SUGCT: variants seen among roughly 807,000 people sequenced by gnomAD.
The protein encoded by SUGCT is succinyl-CoA:glutarate-CoA transferase, also known as succinyl-CoA:glutarate CoA-transferase.
SUGCT carries 41 observed loss-of-function variants against 55.0 expected under a neutral mutation model. That is an observed-to-expected ratio of 0.74 (90% CI 0.58 to 0.97). SUGCT has a LOEUF of 0.97. Among genes scored for constraint, SUGCT ranks in the 50% least tolerant of loss-of-function variants. The probability of loss-of-function intolerance (pLI) is 0.00; values close to 1 mark genes in which losing one functional copy is unlikely to be tolerated. For missense variants in SUGCT, 568 were observed against 547.8 expected, an observed-to-expected ratio of 1.04 and a Z score of -0.37; for synonymous variants, 187 against 200.4, an observed-to-expected ratio of 0.93 and a Z score of 0.56.
chr7:41,028,262 T>C, the SUGCT span, among the ~76,000 whole-genome samples: 1 of 152,236 alleles, frequency 6.6e-6, no homozygotes, highest in Non-Finnish European at 1.5e-5. Context: ...CCTGGATATG[T>C]TGAGAAAACT....
At chr7:40,909,923 C>T in the SUGCT span, among the ~76,000 whole-genome samples, 1 of 152,094 alleles carries the variant, frequency 6.6e-6, no homozygotes, top group African/African-American at 2.4e-5. Context: ...GGGCATCTTC[C>T]AGGAAAGTGC....
chr7:40,719,001 T>TA (rs1469023617), intron 12 of SUGCT, among the ~76,000 whole-genome samples: 2 of 152,258 alleles, frequency 1.3e-5, no homozygotes, highest in Non-Finnish European at 2.9e-5. Context: ...GTAACATTCC[T>TA]AAAATACAAA....
chr7:40,512,501 C>G (rs568757837), intron 12 of SUGCT, among the ~76,000 whole-genome samples: 1 of 152,330 alleles, frequency 6.6e-6, no homozygotes, highest in African/African-American at 2.4e-5. Flanking sequence ...TCTTTGGGCT[C>G]TGTCGTTTAC....
intron 12 of SUGCT, among the ~76,000 whole-genome samples, chr7:40,699,090 A>G (rs1785064005): frequency 6.6e-6 from 1 of 152,168 alleles, no homozygotes. Flanking sequence ...GGGGAGGCAC[A>G]GAATTCACCT....
At chr7:40,937,509 C>T in the SUGCT span, among the ~76,000 whole-genome samples, 1 of 152,120 alleles carries the variant, frequency 6.6e-6, no homozygotes, top group Non-Finnish European at 1.5e-5. Context: ...AGTCTCCAGC[C>T]ATTATTGTTG....
intron 1 of SUGCT, among the ~76,000 whole-genome samples, chr7:40,170,729 T>C (rs180972682): frequency 8.5e-5 from 13 of 152,194 alleles, no homozygotes; most frequent in African/African-American, 2.9e-4. Flanking sequence ...TGGAGTCTAG[T>C]GGTCCTTTAA....
intron 9 of SUGCT, among the ~76,000 whole-genome samples, chr7:40,335,742 T>C (rs1389230374): frequency 1.3e-5 from 2 of 152,154 alleles, no homozygotes; most frequent in African/African-American, 4.8e-5. Flanking sequence ...GCTTTATTTC[T>C]TTCTCCTCCC....
intron 6 of SUGCT, among the ~76,000 whole-genome samples, chr7:40,212,079 A>G (rs370692848): frequency 2.7e-4 from 41 of 151,938 alleles, no homozygotes; most frequent in African/African-American, 8.9e-4. Context: ...GTAAAGTGCC[A>G]GAGAGTAATT....
chr7:40,141,787 T>C lies in SUGCT; in HGVS notation c.100+6667T>C, dbSNP rs577527193. The stretch of plus-strand genomic sequence containing the variant: ...TAAAGGTTTGGTGCCACAAAAGAAA[T>C]AGCACTGGAATATAAAATTTTCTTT... On this transcript the variant is annotated intron_variant, in intron 1 of 13. Coordinates refer to ENST00000335693, the MANE Select transcript of SUGCT (RefSeq NM_001193313.2). 2.2e-3 allele frequency: 781 copies of C among 356,820 alleles called. 5 individuals are homozygous for C. The highest frequency in any genetic ancestry group is 3.5e-3 in the Non-Finnish European group (613 of 176,080). The allele number at this position is 356,820 out of a possible 1,614,324, so 22.1% of individuals were successfully genotyped here.
At chr7:40,476,898 G>A (rs1790721410) in intron 11 of SUGCT, among the ~76,000 whole-genome samples, 1 of 151,896 alleles carries the variant, frequency 6.6e-6, no homozygotes, top group African/African-American at 2.4e-5. Context: ...TCAGGTTCAA[G>A]TGATTCTCCT....
chr7:40,514,733 A>AAAAGGC (rs1793140404), intron 12 of SUGCT, among the ~76,000 whole-genome samples: 1 of 151,142 alleles, frequency 6.6e-6, no homozygotes, highest in African/African-American at 2.4e-5. Flanking sequence ...AAAAAAAAAA[A>AAAAGGC]AAAGGCAAGC....
chr7:40,746,847 T>A (rs1584377452), intron 12 of SUGCT, among the ~76,000 whole-genome samples: 1 of 152,346 alleles, frequency 6.6e-6, no homozygotes, highest in East Asian at 1.9e-4. Context: ...CTAAGAACAC[T>A]CACTTTTGTC....
chr7:40,586,719 C>G (rs1028375059), intron 12 of SUGCT, among the ~76,000 whole-genome samples: 2 of 152,174 alleles, frequency 1.3e-5, no homozygotes, highest in Admixed American at 6.5e-5. Context: ...CAACAATACT[C>G]TAACTCGAAG....
At chr7:40,393,723 C>T (rs541553606) in intron 9 of SUGCT, among the ~76,000 whole-genome samples, 13 of 152,212 alleles carry the variant, frequency 8.5e-5, no homozygotes, top group South Asian at 2.1e-4. Flanking sequence ...GGACCTTGCA[C>T]GGGTCTACAG....
At chr7:40,824,365 T>C (rs1432349887) in intron 13 of SUGCT, among the ~76,000 whole-genome samples, 1 of 152,118 alleles carries the variant, frequency 6.6e-6, no homozygotes, top group Non-Finnish European at 1.5e-5. Flanking sequence ...TGGGTATGTG[T>C]GTGTGTTGGG....
intron 12 of SUGCT, among the ~76,000 whole-genome samples, chr7:40,553,596 C>T (rs1166809353): frequency 1.3e-5 from 2 of 152,000 alleles, no homozygotes; most frequent in African/African-American, 2.4e-5. Context: ...CGATATATGT[C>T]CACCCTCTAC....
chr7:40,558,270 A>G (rs1039630438), intron 12 of SUGCT, among the ~76,000 whole-genome samples: 1 of 152,188 alleles, frequency 6.6e-6, no homozygotes, highest in African/African-American at 2.4e-5. Context: ...ACTCCTGGGA[A>G]TTACTCCCAG....
chr7:40,446,985 C>G (rs551433774), intron 9 of SUGCT, among the ~76,000 whole-genome samples: 7 of 152,118 alleles, frequency 4.6e-5, no homozygotes, highest in Non-Finnish European at 8.8e-5. Flanking sequence ...ATATAATTCA[C>G]CCATTTATAG....
chr7:40,429,393 T>C (rs1243856680), intron 9 of SUGCT, among the ~76,000 whole-genome samples: 2 of 152,116 alleles, frequency 1.3e-5, no homozygotes, highest in African/African-American at 4.8e-5. Flanking sequence ...TTAATGAGTA[T>C]TGACTCACAC....
Sources: gnomAD v4.1 joint callset for allele counts (sites outside exome capture counted in the v4.1 genomes callset) on GRCh38, gnomAD v4.1.1 for gene constraint, MANE v1.5 for transcripts, NCBI Gene and HGNC (gene_info 2026-07-23, HGNC 2026-07-21) for gene names.